Variants in ST6GALNAC3 observed in about 807,000 individuals in gnomAD.
The protein encoded by ST6GALNAC3 is alpha-N-acetylgalactosaminide alpha-2,6-sialyltransferase 3.
In ST6GALNAC3, 25 loss-of-function variants were observed where a neutral mutation model predicts 32.7. That is an observed-to-expected ratio of 0.76 (90% CI 0.56 to 1.07). The LOEUF is 1.07. Among genes scored for constraint, ST6GALNAC3 ranks in the 50% least tolerant of loss-of-function variants. ST6GALNAC3 has a pLI of 0.00. For missense variants in ST6GALNAC3, 355 were observed against 382.4 expected (o/e 0.93, Z 0.60); for synonymous variants, 129 against 133.1 (o/e 0.97, Z 0.21).
downstream of ST6GALNAC3, among the ~76,000 whole-genome samples, chr1:76,635,987 A>G (rs1475406139): frequency 1.3e-5 from 2 of 152,208 alleles, no homozygotes; most frequent in Non-Finnish European, 2.9e-5. Context: ...TCATGATGAC[A>G]TAATAGCTGA....
intron 1 of ST6GALNAC3, among the ~76,000 whole-genome samples, chr1:76,128,881 C>G (rs186029241): frequency 6.8e-4 from 103 of 152,254 alleles, no homozygotes; most frequent in Non-Finnish European, 6.5e-4. Flanking sequence ...CAACAGCCAC[C>G]CTGTTTGAAG....
intron 2 of ST6GALNAC3, among the ~76,000 whole-genome samples, chr1:76,399,337 A>C (rs1405759557): frequency 6.6e-6 from 1 of 152,110 alleles, no homozygotes; most frequent in Non-Finnish European, 1.5e-5. Context: ...TTTTCAATTC[A>C]CCTAGAACTG....
intron 3 of ST6GALNAC3, among the ~76,000 whole-genome samples, chr1:76,525,791 GTATATATATATATATATATATATA>G (rs199721572): frequency 9.3e-5 from 7 of 75,580 alleles, no homozygotes; most frequent in Non-Finnish European, 1.8e-4. Context: ...GTGTGTGTGT[GTATATATATATATATATATATATA>G]TATATATATA....
At chr1:76,315,596 A>G (rs1359871602) in intron 2 of ST6GALNAC3, among the ~76,000 whole-genome samples, 2 of 152,158 alleles carry the variant, frequency 1.3e-5, no homozygotes, top group African/African-American at 4.8e-5. Context: ...TGCTCCTGCA[A>G]AGGTTATTTC....
intron 3 of ST6GALNAC3, among the ~76,000 whole-genome samples, chr1:76,504,604 G>A (rs891719025): frequency 6.6e-6 from 1 of 152,072 alleles, no homozygotes; most frequent in African/African-American, 2.4e-5. Context: ...CCCAACTGAT[G>A]CTCGAGGAAC....
At chr1:76,305,985 A>G (rs750954682) in intron 1 of ST6GALNAC3, 2 of 502,024 alleles carry the variant, frequency 4.0e-6, no homozygotes, top group Non-Finnish European at 7.9e-6. Flanking sequence ...ACATTCTCAT[A>G]TAACTGGTTC....
intron 3 of ST6GALNAC3, among the ~76,000 whole-genome samples, chr1:76,448,460 G>C (rs1657145557): frequency 6.6e-6 from 1 of 152,164 alleles, no homozygotes; most frequent in Non-Finnish European, 1.5e-5. Context: ...GGCATGATTA[G>C]TTTTGAAATG....
At chr1:76,335,798 G>A (rs1338764960) in intron 2 of ST6GALNAC3, among the ~76,000 whole-genome samples, 2 of 152,064 alleles carry the variant, frequency 1.3e-5, no homozygotes, top group African/African-American at 2.4e-5. Flanking sequence ...TATCTCTTAC[G>A]ATAAAAAATA....
chr1:76,173,401 G>T (rs771161377), intron 1 of ST6GALNAC3, among the ~76,000 whole-genome samples: 8 of 151,984 alleles, frequency 5.3e-5, no homozygotes, highest in Non-Finnish European at 1.2e-4. Context: ...AACCTAGGCA[G>T]TACTATTCAG....
chr1:76,258,586 A>G (rs746868662), intron 1 of ST6GALNAC3, among the ~76,000 whole-genome samples: 5 of 152,166 alleles, frequency 3.3e-5, no homozygotes, highest in Admixed American at 6.5e-5. Flanking sequence ...TAGAATGTCA[A>G]CTTTCAGAGG....
chr1:76,562,625 A>T (rs1665311213), intron 3 of ST6GALNAC3, among the ~76,000 whole-genome samples: 1 of 152,230 alleles, frequency 6.6e-6, no homozygotes, highest in Admixed American at 6.5e-5. Context: ...TATGTGGAGA[A>T]TCATTTAAAT....
rs144762992 is a variant in ST6GALNAC3, at chr1:76,303,021, A to G, written c.19-10784A>G. Among the ~76,000 whole-genome samples the G allele has an allele frequency of 1.0e-2, 1,326 of 133,076 alleles. 14 individuals are homozygous for G. Among genetic ancestry groups the G allele is most frequent in the Non-Finnish European group, 0.013 (789 of 58,584 alleles). The allele number at this position is 133,076 out of a possible 152,430, so 87.3% of individuals were successfully genotyped here. ...AAATGAAGTGGTGTTCACCTCATGT[A>G]AATGAAGTGGTGGTCTGCAACCAGT... is the stretch of plus-strand genomic sequence containing the variant. On this transcript the variant is annotated intron_variant, in intron 1 of 4. Transcript: ENST00000328299.
At chr1:76,303,706 C>T (rs1660865841) in intron 1 of ST6GALNAC3, among the ~76,000 whole-genome samples, 1 of 152,044 alleles carries the variant, frequency 6.6e-6, no homozygotes, top group South Asian at 2.1e-4. Flanking sequence ...CAATCTCAGA[C>T]AAGAGTTGAT....
chr1:76,425,563 T>C (rs1047873381), intron 3 of ST6GALNAC3, among the ~76,000 whole-genome samples: 1 of 151,986 alleles, frequency 6.6e-6, no homozygotes, highest in Non-Finnish European at 1.5e-5. Flanking sequence ...TTGAAACACA[T>C]TCTCTAATTT....
In ST6GALNAC3 at chr1:76,456,603, A is replaced by G. The variant is rs190273011; in HGVS notation, c.623+44186A>G. Reference sequence around the variant, plus strand: ...ATATACAGAACCAAAGAAAAAAACCACATGATTATCTCAATAGATGCAGAA... The same window carrying G: ...ATATACAGAACCAAAGAAAAAAACCGCATGATTATCTCAATAGATGCAGAA... On this transcript the variant is annotated intron_variant, in intron 3 of 4. Coordinates refer to ENST00000328299, the MANE Select transcript of ST6GALNAC3 (RefSeq NM_152996.4). Among the ~76,000 whole-genome samples, 76 of 152,344 alleles carry G rather than the reference A, an allele frequency of 5.0e-4. No individual in the cohort carries two copies. The East Asian group carries it at 0.013, about 26-fold the overall frequency.
At chr1:76,258,790 G>C (rs1252104516) in intron 1 of ST6GALNAC3, among the ~76,000 whole-genome samples, 2 of 152,120 alleles carry the variant, frequency 1.3e-5, no homozygotes, top group African/African-American at 4.8e-5. Context: ...CAAATGAAGT[G>C]TTCAGATTCC....
chr1:76,400,650 G>A (rs950169161), intron 2 of ST6GALNAC3, among the ~76,000 whole-genome samples: 23 of 152,070 alleles, frequency 1.5e-4, no homozygotes, highest in African/African-American at 4.6e-4. Flanking sequence ...ACTTTGGGAG[G>A]CTGAGGCAGG....
chr1:76,618,118 G>C (rs997075998), intron 3 of ST6GALNAC3, among the ~76,000 whole-genome samples: 1 of 152,172 alleles, frequency 6.6e-6, no homozygotes, highest in Admixed American at 6.5e-5. Context: ...CAGAACTGCT[G>C]TTAATGATGA....
intron 3 of ST6GALNAC3, among the ~76,000 whole-genome samples, chr1:76,464,008 C>T (rs1432796799): frequency 6.6e-6 from 1 of 152,128 alleles, no homozygotes; most frequent in Non-Finnish European, 1.5e-5. Flanking sequence ...ACTGTTCTTT[C>T]TGTTTCCATG....
Sources: allele counts gnomAD v4.1 joint callset (sites outside exome capture counted in the v4.1 genomes callset), GRCh38; gene constraint gnomAD v4.1.1; transcripts MANE v1.5; gene names NCBI Gene and HGNC (gene_info 2026-07-23, HGNC 2026-07-21).